The following GRIN2B variants were observed in gnomAD, a reference collection of about 807,000 sequenced individuals.
The protein encoded by GRIN2B is glutamate receptor ionotropic, NMDA 2B.
In GRIN2B, 5 loss-of-function variants were observed where a neutral mutation model predicts 114.5. The observed-to-expected ratio is 0.04, with a 90% CI of 0.02 to 0.09. The LOEUF (loss-of-function observed/expected upper bound fraction) is 0.09. Among genes scored for constraint, GRIN2B ranks in the 10% least tolerant of loss-of-function variants. The pLI is 1.00. For missense variants in GRIN2B, 1,108 were observed against 1,943.5 expected, an observed-to-expected ratio of 0.57 and a Z score of 8.08; for synonymous variants, 787 against 745.1, an observed-to-expected ratio of 1.06 and a Z score of -0.92.
At chr12:13,722,017 A>G (rs1176172076) in intron 4 of GRIN2B, among the ~76,000 whole-genome samples, 3 of 152,150 alleles carry the variant, frequency 2.0e-5, no homozygotes, top group East Asian at 1.9e-4. Flanking sequence ...AGGGGACAAG[A>G]TGATAGTAGA....
chr12:13,972,807 C>T (rs952125391), intron 2 of GRIN2B, among the ~76,000 whole-genome samples: 1 of 152,238 alleles, frequency 6.6e-6, no homozygotes, highest in Non-Finnish European at 1.5e-5. Context: ...ACAGAGACCA[C>T]ATGCATTATT....
chr12:13,676,661 G>T (rs1209811865), intron 4 of GRIN2B, among the ~76,000 whole-genome samples: 1 of 152,114 alleles, frequency 6.6e-6, no homozygotes, highest in Non-Finnish European at 1.5e-5. Context: ...ACAACTTTCT[G>T]CTAACAGAGG....
chr12:13,616,961 G>A (rs1949451813), intron 5 of GRIN2B, among the ~76,000 whole-genome samples: 1 of 152,220 alleles, frequency 6.6e-6, no homozygotes, highest in Non-Finnish European at 1.5e-5. Context: ...TATCCTTCAT[G>A]AAGCTCACAG....
chr12:13,694,222 G>A (rs1386652941), intron 4 of GRIN2B, among the ~76,000 whole-genome samples: 6 of 152,088 alleles, frequency 3.9e-5, no homozygotes, highest in East Asian at 3.9e-4. Flanking sequence ...CTCAGCTCTC[G>A]TACTGTTTGA....
chr12:13,831,375 T>C (rs1865142672), intron 3 of GRIN2B, among the ~76,000 whole-genome samples: 1 of 152,180 alleles, frequency 6.6e-6, no homozygotes, highest in South Asian at 2.1e-4. Flanking sequence ...TTGCCCCAAA[T>C]GACAATGACA....
chr12:13,591,477 C>T (rs578140376), intron 10 of GRIN2B, among the ~76,000 whole-genome samples: 2 of 152,198 alleles, frequency 1.3e-5, no homozygotes, highest in East Asian at 1.9e-4. Context: ...CATTTTAATC[C>T]CCATTCTACA....
At chr12:13,575,402 T>A (rs544766504) in intron 10 of GRIN2B, among the ~76,000 whole-genome samples, 2 of 152,328 alleles carry the variant, frequency 1.3e-5, no homozygotes, top group African/African-American at 4.8e-5. Flanking sequence ...CTCACGCCTG[T>A]AATCCCAGCA....
At chr12:13,945,063 T>G (rs1867338375) in intron 2 of GRIN2B, among the ~76,000 whole-genome samples, 1 of 152,128 alleles carries the variant, frequency 6.6e-6, no homozygotes, top group Non-Finnish European at 1.5e-5. Flanking sequence ...TTTTCTAGGG[T>G]GATGTGCTTT....
At chr12:13,713,707 A>T (rs1460551808) in intron 4 of GRIN2B, among the ~76,000 whole-genome samples, 1 of 151,860 alleles carries the variant, frequency 6.6e-6, no homozygotes, top group East Asian at 1.9e-4. Flanking sequence ...AGGGTCACTA[A>T]TGCTTAAGAA....
At chr12:13,787,628 T>C (rs774009719) in intron 3 of GRIN2B, among the ~76,000 whole-genome samples, 70 of 152,226 alleles carry the variant, frequency 4.6e-4, no homozygotes, top group Non-Finnish European at 9.0e-4. Context: ...ATGCAAATTA[T>C]CTAAGGATTT....
chr12:13,644,068 A>G (rs1174312578), intron 5 of GRIN2B, among the ~76,000 whole-genome samples: 1 of 152,192 alleles, frequency 6.6e-6, no homozygotes, highest in Non-Finnish European at 1.5e-5. Context: ...ATGACATCTA[A>G]AAGGGCAAAT....
chr12:13,571,884 A>G lies in GRIN2B; in HGVS notation c.2091T>C (p.Asn697=). 6.2e-7 allele frequency: 1 copy of G among 1,614,124 alleles called. No individual in the cohort carries two copies. The highest frequency in any genetic ancestry group is 1.1e-5 in the South Asian group (1 of 91,086). The change falls in exon 11 of 14, where the codon AAT becomes AAC. Residue 697 remains asparagine (N), a synonymous_variant. Transcript: ENST00000609686. ...PNGSTERNIR[N]NYAEMHAYMG... ...TGTAGGCATGCATTTCTGCATAGTT[A>G]TTGCGAATATTTCTCTCTGTGCTGC...
intron 3 of GRIN2B, among the ~76,000 whole-genome samples, chr12:13,848,218 C>T (rs1865500658): frequency 6.6e-6 from 1 of 152,122 alleles, no homozygotes; most frequent in South Asian, 2.1e-4. Flanking sequence ...TCTGAAATTC[C>T]ACTATTACAA....
At chr12:13,902,714 G>A (rs1866472496) in intron 2 of GRIN2B, among the ~76,000 whole-genome samples, 3 of 152,140 alleles carry the variant, frequency 2.0e-5, no homozygotes, top group African/African-American at 7.2e-5. Context: ...AGAAGGCTGA[G>A]GCAGGAGAAT....
At chr12:13,658,131 C>T (rs1387115640) in intron 5 of GRIN2B, among the ~76,000 whole-genome samples, 1 of 151,612 alleles carries the variant, frequency 6.6e-6, no homozygotes, top group Non-Finnish European at 1.5e-5. Flanking sequence ...CACTTGAACC[C>T]GGGAGGCTGA....
intron 2 of GRIN2B, among the ~76,000 whole-genome samples, chr12:13,879,398 G>A (rs1330482763): frequency 6.6e-6 from 1 of 151,952 alleles, no homozygotes; most frequent in Admixed American, 6.6e-5. Flanking sequence ...CAGAACCACT[G>A]TCATTATAGG....
intron 3 of GRIN2B, among the ~76,000 whole-genome samples, chr12:13,840,126 A>G (rs1865352012): frequency 6.6e-6 from 1 of 152,184 alleles, no homozygotes; most frequent in African/African-American, 2.4e-5. Context: ...TATGCATGCC[A>G]CTACAGTGCG....
At chr12:13,878,123 G>A (rs1260833153) in intron 2 of GRIN2B, among the ~76,000 whole-genome samples, 1 of 150,938 alleles carries the variant, frequency 6.6e-6, no homozygotes, top group East Asian at 2.0e-4. Context: ...TAAGCCCTGG[G>A]AAGCAGACCT....
Position 13,553,382 on chromosome 12 carries a change from T to C in GRIN2B, c.*9401A>G, listed in dbSNP as rs763249387. Reference sequence around the variant, plus strand: ...TCATTCAAATCCTAACTTACTTTCATTGTAAATATACAGATAAGAGGTAAA... The same window carrying C: ...TCATTCAAATCCTAACTTACTTTCACTGTAAATATACAGATAAGAGGTAAA... On this transcript the variant is annotated 3_prime_UTR_variant, in exon 14 of 14. Coordinates refer to ENST00000609686, the MANE Select transcript of GRIN2B (RefSeq NM_000834.5). 1 of 152,232 alleles carries C rather than the reference T, an allele frequency of 6.6e-6. No individual in the cohort carries two copies. 9.4% of individuals were successfully genotyped at this position (152,232 alleles called of 1,614,324 possible).
Sources: allele counts gnomAD v4.1 joint callset (sites outside exome capture counted in the v4.1 genomes callset), GRCh38; gene constraint gnomAD v4.1.1; transcripts MANE v1.5; gene names NCBI Gene and HGNC (gene_info 2026-07-23, HGNC 2026-07-21).